The following CELF1 variants were observed in gnomAD, a reference collection of about 807,000 sequenced individuals.
The protein encoded by CELF1 is 50 kDa nuclear polyadenylated RNA-binding protein.
CELF1 carries 10 observed loss-of-function variants against 61.8 expected under a neutral mutation model. The observed-to-expected ratio is 0.16, with a 90% confidence interval of 0.10 to 0.27. CELF1 has a LOEUF of 0.27. Ranked by LOEUF, CELF1 falls within the 10% of genes least tolerant of loss-of-function variation. The pLI, the probability that CELF1 is intolerant of heterozygous loss-of-function variation, is 1.00. For synonymous variants in CELF1, 236 were observed against 225.1 expected (o/e 1.05, Z -0.43); for missense variants, 380 against 639.1 (o/e 0.59, Z 4.37).
chr11:47,485,417 G>A (rs552274669), intron 6 of CELF1, among the ~76,000 whole-genome samples: 37 of 152,030 alleles, frequency 2.4e-4, no homozygotes, highest in Admixed American at 1.4e-3. Flanking sequence ...GCAATCCTCC[G>A]GCCTCAGCCT....
At chr11:47,486,137 GGC>G in intron 6 of CELF1, among the ~76,000 whole-genome samples, 1 of 13,738 alleles carries the variant, frequency 7.3e-5, no homozygotes, top group Non-Finnish European at 2.1e-4. Flanking sequence ...CTCCCGCCCA[GGC>G]AACAGAGTGA....
In CELF1 at chr11:47,482,856, C is replaced by A. The variant is rs969827855; in HGVS notation, c.607G>T (p.Gly203Cys). The A allele has an allele frequency of 6.2e-7, 1 of 1,612,836 alleles. No homozygotes were observed. Among genetic ancestry groups the A allele is most frequent in the Non-Finnish European group, 8.5e-7 (1 of 1,179,472 alleles). Residue 203 changes from glycine (G) to cysteine (C), a missense_variant and splice_region_variant, in exon 9 of 15, where the codon GGT becomes TGT. Gly to Cys is a radical substitution (Grantham distance 159). Coordinates refer to ENST00000687097, the MANE Select transcript of CELF1 (RefSeq NM_001376376.1). Reference sequence around the variant, plus strand: ...TTTACCACCATGGGTGATGAGCAACCCTGTGAAAAGACCATAACGAAAGGG... The same window carrying A: ...TTTACCACCATGGGTGATGAGCAACACTGTGAAAAGACCATAACGAAAGGG... The part of the protein sequence containing the change: ...KAMHQAQTME[G>C]CSSPMVVKFA...
At chr11:47,542,805 A>T (rs758609663) in intron 1 of CELF1, among the ~76,000 whole-genome samples, 1 of 152,074 alleles carries the variant, frequency 6.6e-6, no homozygotes, top group African/African-American at 2.4e-5. Flanking sequence ...GCTTTACAAC[A>T]TATCAACAGG....
At chr11:47,531,999 T>A (rs1469388847) in intron 1 of CELF1, among the ~76,000 whole-genome samples, 2 of 152,092 alleles carry the variant, frequency 1.3e-5, no homozygotes, top group African/African-American at 4.8e-5. Context: ...TGAAAAACAT[T>A]TGGGAATTTT....
intron 3 of CELF1, chr11:47,495,897 T>C (rs2093001336): frequency 1.4e-6 from 1 of 719,468 alleles, no homozygotes; most frequent in African/African-American, 1.9e-5. Context: ...TCATTACCTG[T>C]TGACTTCCCT....
rs1256933660 is a variant in CELF1 at position 47,558,473 on chromosome 11, CAT to C, written c.-11+5876_-11+5877del. Among the ~76,000 whole-genome samples, 97 of 123,118 alleles carry C rather than the reference CAT, an allele frequency of 7.9e-4. 1 individual carries two copies. The East Asian group carries it at 0.019, about 25-fold the overall frequency. 80.8% of individuals were successfully genotyped at this position (123,118 alleles called of 152,430 possible). A position where few individuals can be genotyped will look rare whatever the true frequency, so the allele number is the denominator to read the frequency against. ...TATATAATATATTAGATGAAACCCTCATATATATATTATATATTTAATATATT... is the reference window on the plus strand; with the variant it reads ...TATATAATATATTAGATGAAACCCTCATATATATTATATATTTAATATATT... On this transcript the variant is annotated intron_variant, in intron 2 of 3. Transcript: ENST00000525841.
chr11:47,510,856 G>C (rs114807411), intron 1 of CELF1, among the ~76,000 whole-genome samples: 6,240 of 152,068 alleles, frequency 0.041, 420 homozygotes, highest in African/African-American at 0.14. Context: ...CTTGATATAA[G>C]ACAGGGAGCT....
rs956280113 is a variant in CELF1 at position 47,466,833 on chromosome 11, AGGC to A, written c.*5394_*5396del. ...GAGCCTCAGTGCCTCCTGCCAACAGAGGCGGCTCTGTGCAGTCAGACTGTGGGG... is the reference window on the plus strand; with the variant it reads ...GAGCCTCAGTGCCTCCTGCCAACAGAGGCTCTGTGCAGTCAGACTGTGGGG... On this transcript the variant is annotated 3_prime_UTR_variant, in exon 15 of 15. Transcript: ENST00000687097. 3 of 152,190 alleles carry A rather than the reference AGGC, an allele frequency of 2.0e-5. No individual in the cohort carries two copies. Among genetic ancestry groups the A allele is most frequent in the African/African-American group, 4.8e-5 (2 of 41,438 alleles). The allele number at this position is 152,190 out of a possible 1,614,324, so 9.4% of individuals were successfully genotyped here. A position where few individuals can be genotyped will look rare whatever the true frequency, so the allele number is the denominator to read the frequency against.
intron 4 of CELF1, 73 bp from the exon 5 acceptor site, chr11:47,487,314 G>T: frequency 8.9e-7 from 1 of 1,125,246 alleles, no homozygotes; most frequent in Non-Finnish European, 1.3e-6. Context: ...TTCCTCCACT[G>T]ACAGATCAGA....
intron 6 of CELF1, among the ~76,000 whole-genome samples, chr11:47,485,495 T>C (rs1291641136): frequency 6.6e-6 from 1 of 152,176 alleles, no homozygotes; most frequent in East Asian, 1.9e-4. Flanking sequence ...TTACTGGCAA[T>C]ACTACTAAAG....
intron 1 of CELF1, among the ~76,000 whole-genome samples, chr11:47,504,080 CAGG>C (rs1184143605): frequency 3.9e-5 from 6 of 152,136 alleles, no homozygotes; most frequent in African/African-American, 1.2e-4. Flanking sequence ...GAGGCTGAGG[CAGG>C]AGGAGTGACT....
intron 1 of CELF1, among the ~76,000 whole-genome samples, chr11:47,540,688 A>G (rs968261244): frequency 3.3e-5 from 5 of 152,040 alleles, no homozygotes; most frequent in African/African-American, 4.8e-5. Flanking sequence ...GTTCAAGACC[A>G]CCCTGGCCAA....
At chr11:47,522,101 C>CG (rs1416786535) in intron 1 of CELF1, among the ~76,000 whole-genome samples, 1 of 151,914 alleles carries the variant, frequency 6.6e-6, no homozygotes, top group Non-Finnish European at 1.5e-5. Flanking sequence ...TTAGTAGACA[C>CG]GGGGTTTCTC....
intron 7 of CELF1, among the ~76,000 whole-genome samples, chr11:47,483,973 C>T (rs2085018487): frequency 6.6e-6 from 1 of 152,112 alleles, no homozygotes; most frequent in Non-Finnish European, 1.5e-5. Context: ...GCAGGCCCAA[C>T]CTCTTTATCT....
chr11:47,552,774 G>A (rs1217955990), intron 1 of CELF1, among the ~76,000 whole-genome samples: 1 of 152,176 alleles, frequency 6.6e-6, no homozygotes, highest in Non-Finnish European at 1.5e-5. Flanking sequence ...GGGGGCACGC[G>A]CTGGGCAAAC....
intron 3 of CELF1, among the ~76,000 whole-genome samples, chr11:47,492,832 T>C (rs938105398): frequency 6.6e-6 from 1 of 152,226 alleles, no homozygotes; most frequent in Admixed American, 6.5e-5. Flanking sequence ...ACTAGAATGT[T>C]GCTAATCTTT....
At chr11:47,546,838 G>GTGAATCACC (rs937004976) in intron 1 of CELF1, among the ~76,000 whole-genome samples, 2 of 151,976 alleles carry the variant, frequency 1.3e-5, no homozygotes, top group African/African-American at 4.8e-5. Flanking sequence ...GCTGAGGTGG[G>GTGAATCACC]TGAATCACCT....
chr11:47,555,035 AACTTC>A (rs2097201518), upstream of CELF1, among the ~76,000 whole-genome samples: 2 of 152,194 alleles, frequency 1.3e-5, no homozygotes, highest in African/African-American at 4.8e-5. Context: ...ACCAAAGGTA[AACTTC>A]ATGAGGATAG....
intron 1 of CELF1, among the ~76,000 whole-genome samples, chr11:47,511,079 T>C (rs1332101417): frequency 2.6e-5 from 4 of 151,916 alleles, no homozygotes; most frequent in African/African-American, 4.8e-5. Flanking sequence ...CCCAGCTACT[T>C]GGAAGGCTGA....
Sources: allele counts gnomAD v4.1 joint callset (sites outside exome capture counted in the v4.1 genomes callset), GRCh38; gene constraint gnomAD v4.1.1; transcripts MANE v1.5; gene names NCBI Gene and HGNC (gene_info 2026-07-23, HGNC 2026-07-21).